TMEM45A: variants seen among roughly 807,000 people sequenced by gnomAD.
TMEM45A encodes DNA polymerase-transactivated protein 4.
Under a neutral mutation model 32.0 loss-of-function variants are expected in TMEM45A, and 25 were observed. The ratio of observed to expected loss-of-function variants is 0.78; its 90% CI spans 0.57 to 1.09. The LOEUF is 1.09. Ranked by LOEUF, TMEM45A falls within the 50% of genes least tolerant of loss-of-function variation. The pLI, the probability that TMEM45A is intolerant of heterozygous loss-of-function variation, is 0.00. For missense variants in TMEM45A, 302 were observed against 325.0 expected, an observed-to-expected ratio of 0.93 and a Z score of 0.54; for synonymous variants, 122 against 114.8, an observed-to-expected ratio of 1.06 and a Z score of -0.40.
At chr3:100,514,733 A>G (rs1163066056) in intron 1 of TMEM45A, among the ~76,000 whole-genome samples, 2 of 152,186 alleles carry the variant, frequency 1.3e-5, no homozygotes, top group African/African-American at 4.8e-5. Flanking sequence ...CTCATCTGAC[A>G]AAGGGCAAAT....
chr3:100,576,035 G>A (rs190596825), intron 5 of TMEM45A, among the ~76,000 whole-genome samples: 4 of 152,220 alleles, frequency 2.6e-5, no homozygotes, highest in Admixed American at 2.6e-4. Flanking sequence ...AAAGTTGGCT[G>A]GGCACGGTGG....
At chr3:100,517,110 T>TTTTTCTTTTCTTTTC (rs60770063) in intron 1 of TMEM45A, among the ~76,000 whole-genome samples, 1 of 150,734 alleles carries the variant, frequency 6.6e-6, no homozygotes, top group African/African-American at 2.5e-5. Context: ...GGGAATGAAA[T>TTTTTCTTTTCTTTTC]TTTTCTTTTC....
chr3:100,528,278 A>C (rs1474083978), intron 1 of TMEM45A, among the ~76,000 whole-genome samples: 4 of 152,170 alleles, frequency 2.6e-5, no homozygotes, highest in Non-Finnish European at 5.9e-5. Flanking sequence ...TAAGTCTGTA[A>C]GGCTCTATAT....
At chr3:100,522,054 T>C (rs1208150100) in intron 1 of TMEM45A, among the ~76,000 whole-genome samples, 1 of 151,920 alleles carries the variant, frequency 6.6e-6, no homozygotes, top group Non-Finnish European at 1.5e-5. Flanking sequence ...CAATCTATAC[T>C]TGAAAAGACA....
intron 1 of TMEM45A, 143 bp from the exon 2 acceptor site, chr3:100,555,066 A>T (rs1045872522): frequency 2.9e-5 from 20 of 690,918 alleles, no homozygotes; most frequent in Non-Finnish European, 4.8e-5. Context: ...TAGTATGCAC[A>T]GTAATGTAGG....
At chr3:100,500,527 CCA>C (rs1264337380) in intron 1 of TMEM45A, among the ~76,000 whole-genome samples, 4 of 152,230 alleles carry the variant, frequency 2.6e-5, no homozygotes, top group Non-Finnish European at 5.9e-5. Flanking sequence ...TCTCTGTGAG[CCA>C]TCAGATTGAC....
chr3:100,505,754 C>T (rs962808115), intron 1 of TMEM45A, among the ~76,000 whole-genome samples: 1 of 152,162 alleles, frequency 6.6e-6, no homozygotes, highest in South Asian at 2.1e-4. Context: ...ATTTTTGAAA[C>T]ACCAGTCATC....
intron 5 of TMEM45A, chr3:100,573,854 T>A (rs1277639639): frequency 6.6e-6 from 1 of 152,238 alleles, no homozygotes; most frequent in African/African-American, 2.4e-5. Flanking sequence ...TCTATTGAGA[T>A]AATCATGTGG....
chr3:100,517,578 C>A (rs1290745186), intron 1 of TMEM45A, among the ~76,000 whole-genome samples: 1 of 152,180 alleles, frequency 6.6e-6, no homozygotes, highest in African/African-American at 2.4e-5. Flanking sequence ...TTCTCACTGT[C>A]CCCATGCCAA....
At chr3:100,575,072 C>T (rs945666348) in intron 5 of TMEM45A, among the ~76,000 whole-genome samples, 5 of 152,146 alleles carry the variant, frequency 3.3e-5, no homozygotes, top group Non-Finnish European at 5.9e-5. Context: ...GGTAAAGATG[C>T]AGGTAGACTG....
intron 5 of TMEM45A, among the ~76,000 whole-genome samples, chr3:100,576,586 C>T (rs1421015802): frequency 6.6e-6 from 1 of 151,912 alleles, no homozygotes; most frequent in Non-Finnish European, 1.5e-5. Context: ...CGCCACTGCA[C>T]TCCAGCCTGG....
At chr3:100,563,754 T>A (rs560371249) in intron 4 of TMEM45A, among the ~76,000 whole-genome samples, 1 of 152,168 alleles carries the variant, frequency 6.6e-6, no homozygotes, top group Non-Finnish European at 1.5e-5. Context: ...TCCGGGGGCT[T>A]CAGGGACCTG....
intron 5 of TMEM45A, chr3:100,571,162 A>C (rs547919494): frequency 4.7e-4 from 71 of 152,322 alleles, no homozygotes; most frequent in African/African-American, 1.4e-3. Context: ...CCATATCATT[A>C]GAGCTCCATC....
At chr3:100,521,341 G>A (rs1349683788) in intron 1 of TMEM45A, among the ~76,000 whole-genome samples, 1 of 151,786 alleles carries the variant, frequency 6.6e-6, no homozygotes, top group Admixed American at 6.6e-5. Flanking sequence ...CGCAACCTCT[G>A]CCTCCTGGGT....
chr3:100,531,531 G>A (rs1705647785), intron 1 of TMEM45A, among the ~76,000 whole-genome samples: 1 of 152,170 alleles, frequency 6.6e-6, no homozygotes, highest in South Asian at 2.1e-4. Context: ...GAAAGAAGAT[G>A]GGCTTAATAT....
At chr3:100,504,189 C>G (rs1367085460) in intron 1 of TMEM45A, among the ~76,000 whole-genome samples, 1 of 151,802 alleles carries the variant, frequency 6.6e-6, no homozygotes, top group Non-Finnish European at 1.5e-5. Context: ...CTCAAATTAT[C>G]TGTGGTAAAG....
intron 1 of TMEM45A, among the ~76,000 whole-genome samples, chr3:100,538,535 C>T (rs895602989): frequency 6.6e-6 from 1 of 152,132 alleles, no homozygotes; most frequent in Non-Finnish European, 1.5e-5. Context: ...ACTCCTATGC[C>T]ACATCCTACT....
At chr3:100,567,487 T>C (rs930614360) in intron 4 of TMEM45A, among the ~76,000 whole-genome samples, 2 of 131,158 alleles carry the variant, frequency 1.5e-5, no homozygotes, top group African/African-American at 5.9e-5. Flanking sequence ...CAATTCCATA[T>C]GAGTTACAGG....
In TMEM45A at chr3:100,542,471, T is replaced by G. The variant is rs1032547717; in HGVS notation, c.-3-12738T>G. On this transcript the variant is annotated intron_variant, in intron 1 of 5. Transcript: ENST00000323523. ...ATCAATAAGTGGAACCTAATTAAACTAAAGATCTTCTGCAGAGCAAAATAA... is the reference window on the plus strand; with the variant it reads ...ATCAATAAGTGGAACCTAATTAAACGAAAGATCTTCTGCAGAGCAAAATAA... 7.8e-4 allele frequency among the ~76,000 whole-genome samples: 119 copies of G among 152,162 alleles called. 1 individual carries two copies. Among genetic ancestry groups the G allele is most frequent in the Non-Finnish European group, 1.9e-4 (13 of 68,008 alleles).
Sources: allele counts gnomAD v4.1 joint callset (sites outside exome capture counted in the v4.1 genomes callset), GRCh38; gene constraint gnomAD v4.1.1; transcripts MANE v1.5; gene names NCBI Gene and HGNC (gene_info 2026-07-23, HGNC 2026-07-21).